QTMAN: variants seen among roughly 807,000 people sequenced by gnomAD.
QTMAN encodes the protein queuosine-tRNA mannosyltransferase, also known as tRNA-queuosine alpha-mannosyltransferase.
At chr2:144,036,375 A>G in the QTMAN span, among the ~76,000 whole-genome samples, 27 of 152,284 alleles carry the variant, frequency 1.8e-4, no homozygotes, top group African/African-American at 6.5e-4. Flanking sequence ...TTCTTTATTA[A>G]TTGACAAAAG....
chr2:144,011,714 G>A, the QTMAN span: 2 of 983,816 alleles, frequency 2.0e-6, no homozygotes, highest in Non-Finnish European at 2.4e-6. Context: ...TGGACAGAAT[G>A]TTTGTGCTGT....
chr2:144,276,372 T>C, the QTMAN span, among the ~76,000 whole-genome samples: 1 of 151,996 alleles, frequency 6.6e-6, no homozygotes, highest in African/African-American at 2.4e-5. Flanking sequence ...TTTTTATTTT[T>C]ATTTTTGTAG....
the QTMAN span, among the ~76,000 whole-genome samples, chr2:144,220,542 T>C: frequency 6.6e-6 from 1 of 152,196 alleles, no homozygotes; most frequent in African/African-American, 2.4e-5. Context: ...AGAGACCCTA[T>C]AGCCAGAGTA....
chr2:144,328,782 G>C, the QTMAN span, among the ~76,000 whole-genome samples: 7 of 152,046 alleles, frequency 4.6e-5, no homozygotes, highest in Non-Finnish European at 1.0e-4. Context: ...AAAAAAGAAA[G>C]TAGTTCAAAG....
chr2:144,188,148 G>T, the QTMAN span, among the ~76,000 whole-genome samples: 2 of 152,170 alleles, frequency 1.3e-5, no homozygotes, highest in Non-Finnish European at 2.9e-5. Context: ...TGGTGTTACA[G>T]CACCCTTAGG....
the QTMAN span, among the ~76,000 whole-genome samples, chr2:144,193,793 C>A: frequency 6.6e-6 from 1 of 152,108 alleles, no homozygotes; most frequent in African/African-American, 2.4e-5. Context: ...TCCCAAAACA[C>A]TGTTATTAGA....
At chr2:144,115,252 AC>A in the QTMAN span, among the ~76,000 whole-genome samples, 5 of 152,000 alleles carry the variant, frequency 3.3e-5, no homozygotes, top group African/African-American at 1.2e-4. Context: ...AACAACAACA[AC>A]AACAACAACA....
At chr2:144,131,761 GAAGT>G in the QTMAN span, among the ~76,000 whole-genome samples, 1 of 151,906 alleles carries the variant, frequency 6.6e-6, no homozygotes, top group African/African-American at 2.4e-5. Context: ...GGCATTAATA[GAAGT>G]AAGTATTAGA....
the QTMAN span, among the ~76,000 whole-genome samples, chr2:144,083,374 C>T: frequency 6.6e-6 from 1 of 152,202 alleles, no homozygotes; most frequent in Admixed American, 6.5e-5. Context: ...CTCTGGGACT[C>T]TCCAGACCTC....
At chr2:144,116,699 T>A in the QTMAN span, among the ~76,000 whole-genome samples, 1 of 152,196 alleles carries the variant, frequency 6.6e-6, no homozygotes, top group African/African-American at 2.4e-5. Context: ...ATTTTTTGTA[T>A]CTTCATATCA....
the QTMAN span, among the ~76,000 whole-genome samples, chr2:144,165,114 G>A: frequency 1.3e-5 from 2 of 152,168 alleles, no homozygotes; most frequent in Non-Finnish European, 2.9e-5. Flanking sequence ...GCTCACGACT[G>A]TAATCCCAGC....
the QTMAN span, among the ~76,000 whole-genome samples, chr2:144,316,729 C>T: frequency 6.6e-6 from 1 of 152,194 alleles, no homozygotes. Flanking sequence ...ACAACACTAA[C>T]ATGAAGTCAT....
the QTMAN span, among the ~76,000 whole-genome samples, chr2:144,239,604 G>A: frequency 1.3e-5 from 2 of 152,140 alleles, no homozygotes; most frequent in South Asian, 2.1e-4. Context: ...TTGGTTAGGG[G>A]TGTACCCAGC....
chr2:143,952,130 A>G, the QTMAN span: 7 of 954,146 alleles, frequency 7.3e-6, no homozygotes, highest in African/African-American at 1.6e-5. Context: ...CACACACTCG[A>G]TATTAGTCAC....
At chr2:144,019,008 A>G in the QTMAN span, among the ~76,000 whole-genome samples, 1 of 152,316 alleles carries the variant, frequency 6.6e-6, no homozygotes, top group East Asian at 1.9e-4. Flanking sequence ...AAGAGAGAAT[A>G]TGGTCCAGAG....
At chr2:144,167,823 T>C in the QTMAN span, among the ~76,000 whole-genome samples, 1,192 of 152,224 alleles carry the variant, frequency 7.8e-3, 18 homozygotes, top group African/African-American at 0.027. Flanking sequence ...GACAAATTCA[T>C]TTTCTTCCCT....
chr2:144,069,437 AAG>A, the QTMAN span, among the ~76,000 whole-genome samples: 10 of 152,016 alleles, frequency 6.6e-5, no homozygotes, highest in African/African-American at 2.4e-4. Context: ...TTTTTTGAAA[AAG>A]AAATAGTGTG....
the QTMAN span, among the ~76,000 whole-genome samples, chr2:144,151,612 G>A: frequency 6.6e-5 from 10 of 152,120 alleles, no homozygotes; most frequent in Non-Finnish European, 1.3e-4. Flanking sequence ...TATGAGAAGC[G>A]AAAGAGAGGA....
the QTMAN span, among the ~76,000 whole-genome samples, chr2:144,133,373 TA>T: frequency 3.8e-5 from 2 of 52,472 alleles, no homozygotes; most frequent in South Asian, 9.4e-4. Flanking sequence ...ATATAATATA[TA>T]ATAATAATAT....
Sources: allele counts gnomAD v4.1 joint callset (sites outside exome capture counted in the v4.1 genomes callset), GRCh38; gene constraint gnomAD v4.1.1; transcripts MANE v1.5; gene names NCBI Gene and HGNC (gene_info 2026-07-23, HGNC 2026-07-21).